The following EIF1B variants were observed in gnomAD, a reference collection of about 807,000 sequenced individuals.
EIF1B encodes eukaryotic translation initiation factor 1B.
EIF1B carries 5 observed loss-of-function variants against 14.8 expected under a neutral mutation model. The ratio of observed to expected loss-of-function variants is 0.34; its 90% confidence interval spans 0.18 to 0.71. The LOEUF is 0.71. EIF1B is among the 30% of genes least tolerant of loss of function. The pLI is 0.64. For synonymous variants in EIF1B, 45 were observed against 45.8 expected (o/e 0.98, Z 0.07); for missense variants, 56 against 134.0 (o/e 0.42, Z 2.87).
chr3:40,311,587 C>A lies in EIF1B; in HGVS notation c.297+16C>A, dbSNP rs774503712. 1.6e-5 allele frequency: 25 copies of A among 1,582,322 alleles called. No homozygotes were observed. Among genetic ancestry groups the A allele is most frequent in the Non-Finnish European group, 1.9e-5 (22 of 1,152,374 alleles). Reference sequence around the variant, plus strand: ...TCTCTTGGAGGTGAGTGATTGGGTGCTTTATGTGTAACCTTGAGATTGCTT... The same window carrying A: ...TCTCTTGGAGGTGAGTGATTGGGTGATTTATGTGTAACCTTGAGATTGCTT... On this transcript the variant is annotated intron_variant, in intron 3 of 3. Coordinates refer to ENST00000232905, the MANE Select transcript of EIF1B (RefSeq NM_005875.3).
Position 40,309,740 on chromosome 3 carries a change from C to CTCGCCTCTTCCT in EIF1B, c.-201_-190dup, listed in dbSNP as rs1355507082. ...GCAGCGCCGCCTCTTCTCTCGCGCCCTCGCCTCTTCCTCCGCCTCCTCCTT... is the reference window on the plus strand; with the variant it reads ...GCAGCGCCGCCTCTTCTCTCGCGCCCTCGCCTCTTCCTTCGCCTCTTCCTCCGCCTCCTCCTT... On this transcript the variant is annotated 5_prime_UTR_variant, in exon 1 of 4. Coordinates refer to ENST00000232905, the MANE Select transcript of EIF1B (RefSeq NM_005875.3). 3.3e-6 allele frequency: 2 copies of CTCGCCTCTTCCT among 601,170 alleles called. No homozygotes were observed. The highest frequency in any genetic ancestry group is 6.0e-5 in the Admixed American group (2 of 33,460). The allele number at this position is 601,170 out of a possible 1,614,324, so 37.2% of individuals were successfully genotyped here. A position where few individuals can be genotyped will look rare whatever the true frequency, so the allele number is the denominator to read the frequency against.
At position 40,312,052 on chromosome 3, in the gene EIF1B, T is replaced by C; in HGVS notation, c.*38T>C. 6.6e-7 allele frequency: 1 copy of C among 1,526,618 alleles called. No homozygotes were observed. Among genetic ancestry groups the C allele is most frequent in the Non-Finnish European group, 9.1e-7 (1 of 1,103,540 alleles). 94.6% of individuals were successfully genotyped at this position (1,526,618 alleles called of 1,614,324 possible). The stretch of plus-strand genomic sequence containing the variant: ...TACGTGGAGAATTTCTTGAATAGTT[T>C]TGTTCTCTAAACCCGGTTTGGCTGC... On this transcript the variant is annotated 3_prime_UTR_variant, in exon 4 of 4. Coordinates refer to ENST00000232905, the MANE Select transcript of EIF1B (RefSeq NM_005875.3).
At chr3:40,310,524 G>A in intron 1 of EIF1B, 1 of 191,732 alleles carries the variant, frequency 5.2e-6, no homozygotes, top group East Asian at 1.4e-4. Context: ...TAAGGTGGGC[G>A]TATTCGAATG....
chr3:40,310,041 A>G (rs1954304926), intron 1 of EIF1B, 69 bp downstream of exon 1: 21 of 1,598,154 alleles, frequency 1.3e-5, no homozygotes, highest in Non-Finnish European at 1.6e-5. Flanking sequence ...CCGCCTGGCC[A>G]CCGCCCCTAG....
chr3:40,311,581 T>G lies in EIF1B; in HGVS notation c.297+10T>G. 6.2e-7 allele frequency: 1 copy of G among 1,603,586 alleles called. No homozygotes were observed. Among genetic ancestry groups the G allele is most frequent in the Non-Finnish European group, 8.5e-7 (1 of 1,171,046 alleles). On this transcript the variant is annotated intron_variant, in intron 3 of 3. Transcript: ENST00000232905. ...CCAGTTTCTCTTGGAGGTGAGTGAT[T>G]GGGTGCTTTATGTGTAACCTTGAGA... is the stretch of plus-strand genomic sequence containing the variant.
At chr3:40,310,201 C>T (rs1003351369) in intron 1 of EIF1B, among the ~76,000 whole-genome samples, 6 of 152,266 alleles carry the variant, frequency 3.9e-5, no homozygotes, top group Non-Finnish European at 8.8e-5. Context: ...CCCTGCGCCA[C>T]CCCCTGCCCC....
chr3:40,312,078 C>A lies in EIF1B; in HGVS notation c.*64C>A. 8.6e-7 allele frequency: 1 copy of A among 1,167,346 alleles called. No homozygotes were observed. Among genetic ancestry groups the A allele is most frequent in the South Asian group, 1.3e-5 (1 of 78,582 alleles). The allele number at this position is 1,167,346 out of a possible 1,614,324, so 72.3% of individuals were successfully genotyped here. A position where few individuals can be genotyped will look rare whatever the true frequency, so the allele number is the denominator to read the frequency against. The stretch of plus-strand genomic sequence containing the variant: ...TGTTCTCTAAACCCGGTTTGGCTGC[C>A]TTGTGAAATGATTCCCTGCAGTAAA... On this transcript the variant is annotated 3_prime_UTR_variant, in exon 4 of 4. Transcript: ENST00000232905.
intron 3 of EIF1B, 58 bp from the exon 4 acceptor site, chr3:40,311,912 C>G: frequency 3.1e-6 from 4 of 1,298,094 alleles, no homozygotes; most frequent in Admixed American, 1.7e-5. Flanking sequence ...TCCATGTTTT[C>G]TTAATGAATT....
Position 40,312,068 on chromosome 3 carries a change from G to C in EIF1B, c.*54G>C. On this transcript the variant is annotated 3_prime_UTR_variant, in exon 4 of 4. Transcript: ENST00000232905. ...TGAATAGTTTTGTTCTCTAAACCCG[G>C]TTTGGCTGCCTTGTGAAATGATTCC... 1 of 1,322,952 alleles carries C rather than the reference G, an allele frequency of 7.6e-7. No homozygotes were observed. The highest frequency in any genetic ancestry group is 2.3e-5 in the East Asian group (1 of 43,466). 82.0% of individuals were successfully genotyped at this position (1,322,952 alleles called of 1,614,324 possible).
chr3:40,311,223 T>C (rs1475257750), intron 2 of EIF1B, 167 bp downstream of exon 2: 1 of 684,742 alleles, frequency 1.5e-6, no homozygotes, highest in Non-Finnish European at 2.3e-6. Flanking sequence ...GTGTGGTCTC[T>C]CATTTTAAAA....
chr3:40,309,776 T>A lies in EIF1B; in HGVS notation c.-166T>A. 1.3e-6 allele frequency: 1 copy of A among 743,752 alleles called. No homozygotes were observed. The highest frequency in any genetic ancestry group is 2.2e-6 in the Non-Finnish European group (1 of 448,272). The allele number at this position is 743,752 out of a possible 1,614,324, so 46.1% of individuals were successfully genotyped here. On this transcript the variant is annotated 5_prime_UTR_variant, in exon 1 of 4. Transcript: ENST00000232905. ...CTCCGCCTCCTCCTTCGCCTCTTCCTGCCTCCTCCCGGCTTCCGCCGCCGC... is the reference window on the plus strand; with the variant it reads ...CTCCGCCTCCTCCTTCGCCTCTTCCAGCCTCCTCCCGGCTTCCGCCGCCGC...
At chr3:40,311,638 G>T in intron 3 of EIF1B, 67 bp downstream of exon 3, 1 of 1,290,576 alleles carries the variant, frequency 7.7e-7, no homozygotes, top group Admixed American at 1.8e-5. Flanking sequence ...AAGGCAACAT[G>T]ATTTGTTTTC....
intron 1 of EIF1B, chr3:40,310,668 TC>T: frequency 2.6e-6 from 1 of 389,288 alleles, no homozygotes; most frequent in Non-Finnish European, 4.6e-6. Flanking sequence ...ACAGCGTTTT[TC>T]TACAATGGAC....
Position 40,311,073 on chromosome 3 carries a change from G to A in EIF1B, c.195+17G>A. 16 of 1,612,090 alleles carry A rather than the reference G, an allele frequency of 9.9e-6. No homozygotes were observed. Among genetic ancestry groups the A allele is most frequent in the Non-Finnish European group, 1.3e-5 (15 of 1,178,872 alleles). On this transcript the variant is annotated intron_variant, in intron 2 of 3. Transcript: ENST00000232905. ...TTCAAAAAGGTAAAGGGATTAGGAA[G>A]AAAGGATTAGAGTTACTGATGCACA... is the stretch of plus-strand genomic sequence containing the variant.
intron 1 of EIF1B, among the ~76,000 whole-genome samples, chr3:40,310,344 C>T (rs956121127): frequency 2.1e-4 from 32 of 152,370 alleles, no homozygotes; most frequent in African/African-American, 7.5e-4. Context: ...GGCGCCCGTT[C>T]TCTGGCAGCT....
At chr3:40,310,316 C>T (rs1046579511) in intron 1 of EIF1B, among the ~76,000 whole-genome samples, 2 of 152,210 alleles carry the variant, frequency 1.3e-5, no homozygotes, top group African/African-American at 2.4e-5. Flanking sequence ...GTATGCCGGG[C>T]CAGGGAAACC....
chr3:40,311,194 ATATT>A (rs1164890181), intron 2 of EIF1B, 138 bp downstream of exon 2: 10 of 804,776 alleles, frequency 1.2e-5, no homozygotes, highest in Middle Eastern at 3.6e-4. Flanking sequence ...TAACATGTAA[ATATT>A]TAGTTATTCT....
chr3:40,309,753 CCGCCTCCTCCTT>C lies in EIF1B; in HGVS notation c.-182_-171del. ...TTCTCTCGCGCCCTCGCCTCTTCCTCCGCCTCCTCCTTCGCCTCTTCCTGCCTCCTCCCGGCT... is the reference window on the plus strand; with the variant it reads ...TTCTCTCGCGCCCTCGCCTCTTCCTCCGCCTCTTCCTGCCTCCTCCCGGCT... On this transcript the variant is annotated 5_prime_UTR_variant, in exon 1 of 4. Transcript: ENST00000232905. The C allele has an allele frequency of 1.6e-6, 1 of 632,370 alleles. No homozygotes were observed. The highest frequency in any genetic ancestry group is 2.9e-5 in the Admixed American group (1 of 34,860). The allele number at this position is 632,370 out of a possible 1,614,324, so 39.2% of individuals were successfully genotyped here. A position where few individuals can be genotyped will look rare whatever the true frequency, so the allele number is the denominator to read the frequency against.
chr3:40,311,600 C>G (rs1438733117), intron 3 of EIF1B, 29 bp downstream of exon 3: 7 of 1,513,506 alleles, frequency 4.6e-6, no homozygotes, highest in African/African-American at 1.4e-5. Flanking sequence ...TATGTGTAAC[C>G]TTGAGATTGC....
Sources: gnomAD v4.1 joint callset for allele counts (sites outside exome capture counted in the v4.1 genomes callset) on GRCh38, gnomAD v4.1.1 for gene constraint, MANE v1.5 for transcripts, NCBI Gene and HGNC (gene_info 2026-07-23, HGNC 2026-07-21) for gene names.